SH2D4A: variants seen among roughly 807,000 people sequenced by gnomAD.
SH2D4A encodes the protein SH2 domain containing 4A.
In SH2D4A, 70 loss-of-function variants were observed where a neutral mutation model predicts 64.7. The ratio of observed to expected loss-of-function variants is 1.08; its 90% confidence interval spans 0.89 to 1.32. The LOEUF (loss-of-function observed/expected upper bound fraction) is 1.32, where lower values mean the gene tolerates loss of function less well. Among genes scored for constraint, SH2D4A ranks in the 40% most tolerant of loss-of-function variants. SH2D4A has a pLI of 0.00. For missense variants in SH2D4A, 706 were observed against 540.1 expected, an observed-to-expected ratio of 1.31 and a Z score of -3.04; for synonymous variants, 268 against 200.7, an observed-to-expected ratio of 1.34 and a Z score of -2.83.
At chr8:19,323,186 T>G (rs894836270) in intron 2 of SH2D4A, among the ~76,000 whole-genome samples, 7 of 152,158 alleles carry the variant, frequency 4.6e-5, no homozygotes, top group African/African-American at 1.7e-4. Flanking sequence ...ACAAGCCACA[T>G]GTGGCTCTTG....
chr8:19,322,612 CTT>C (rs33946166), intron 2 of SH2D4A, among the ~76,000 whole-genome samples: 67,671 of 126,656 alleles, frequency 0.53, 18,044 homozygotes, highest in Middle Eastern at 0.6. Flanking sequence ...GTCTATTATT[CTT>C]TTTTTTTTTT....
chr8:19,315,349 A>T (rs2139767), intron 1 of SH2D4A, among the ~76,000 whole-genome samples: 120,078 of 152,140 alleles, frequency 0.79, 47,519 homozygotes, highest in Middle Eastern at 0.84. Context: ...TTGCCCAAGC[A>T]GGTCTTGAAC....
intron 4 of SH2D4A, among the ~76,000 whole-genome samples, chr8:19,352,675 A>G (rs2052726720): frequency 6.6e-6 from 1 of 152,058 alleles, no homozygotes; most frequent in Non-Finnish European, 1.5e-5. Context: ...AGACGTGGAG[A>G]TGACATGCAT....
At chr8:19,347,395 C>T (rs1335466641) in intron 4 of SH2D4A, among the ~76,000 whole-genome samples, 2 of 152,144 alleles carry the variant, frequency 1.3e-5, no homozygotes, top group South Asian at 2.1e-4. Flanking sequence ...CTGCGAGTCC[C>T]CTGCAGCTGA....
In SH2D4A at chr8:19,395,648, TGCAGCCGGAAGGGAAGGGACACCAA is replaced by T. The variant is rs2053576694; in HGVS notation, c.*1008_*1032del. ...GGGGACAAGAGGCAAGTTGGAGTGA[TGCAGCCGGAAGGGAAGGGACACCAA>T]GGATCTCCGGCCACCAGCAGAAGCC... On this transcript the variant is annotated 3_prime_UTR_variant, in exon 10 of 10. Transcript: ENST00000265807. 1 of 152,180 alleles carries T rather than the reference TGCAGCCGGAAGGGAAGGGACACCAA, an allele frequency of 6.6e-6. No homozygotes were observed. Among genetic ancestry groups the T allele is most frequent in the Non-Finnish European group, 1.5e-5 (1 of 68,122 alleles). The allele number at this position is 152,180 out of a possible 1,614,324, so 9.4% of individuals were successfully genotyped here. A position where few individuals can be genotyped will look rare whatever the true frequency, so the allele number is the denominator to read the frequency against.
intron 1 of SH2D4A, among the ~76,000 whole-genome samples, chr8:19,317,052 A>G (rs970515918): frequency 1.3e-5 from 2 of 152,228 alleles, no homozygotes; most frequent in African/African-American, 2.4e-5. Context: ...TGCCTTGAAT[A>G]GGATTCGCTG....
intron 4 of SH2D4A, among the ~76,000 whole-genome samples, chr8:19,342,221 T>C (rs75748661): frequency 0.011 from 1,670 of 152,338 alleles, 40 homozygotes; most frequent in African/African-American, 0.038. Flanking sequence ...TCAGTAGTGT[T>C]TTTTCAACTC....
At chr8:19,343,548 CTTTGAAAA>C (rs2052562301) in intron 4 of SH2D4A, among the ~76,000 whole-genome samples, 1 of 152,076 alleles carries the variant, frequency 6.6e-6, no homozygotes, top group Non-Finnish European at 1.5e-5. Flanking sequence ...TTTGGAAATT[CTTTGAAAA>C]CTGGAAATCC....
intron 8 of SH2D4A, among the ~76,000 whole-genome samples, chr8:19,386,520 G>C (rs1318363518): frequency 6.6e-6 from 1 of 152,158 alleles, no homozygotes; most frequent in Non-Finnish European, 1.5e-5. Flanking sequence ...GAGGATGGCA[G>C]TGGCTGTGCC....
At chr8:19,323,070 T>C (rs2052218799) in intron 2 of SH2D4A, among the ~76,000 whole-genome samples, 1 of 152,166 alleles carries the variant, frequency 6.6e-6, no homozygotes, top group Non-Finnish European at 1.5e-5. Flanking sequence ...AGATCATTTC[T>C]GATTTCTGTA....
At chr8:19,325,468 T>A (rs762360328) in intron 2 of SH2D4A, among the ~76,000 whole-genome samples, 1 of 152,222 alleles carries the variant, frequency 6.6e-6, no homozygotes, top group Non-Finnish European at 1.5e-5. Context: ...AAGTCTGTCC[T>A]GAACTACTGG....
intron 4 of SH2D4A, among the ~76,000 whole-genome samples, chr8:19,342,052 A>G (rs925480472): frequency 3.9e-5 from 6 of 152,226 alleles, no homozygotes; most frequent in Middle Eastern, 6.8e-3. Context: ...TTCTTCTAGG[A>G]AGTAGTGCTT....
chr8:19,353,626 C>T (rs982579602), intron 4 of SH2D4A, among the ~76,000 whole-genome samples: 3 of 149,266 alleles, frequency 2.0e-5, no homozygotes, highest in Non-Finnish European at 3.0e-5. Context: ...CTCAGACTCC[C>T]AAAGTGCTGG....
chr8:19,389,607 T>C (rs1438336122), intron 8 of SH2D4A, among the ~76,000 whole-genome samples: 1 of 152,144 alleles, frequency 6.6e-6, no homozygotes, highest in African/African-American at 2.4e-5. Context: ...ACATCTACTT[T>C]CTTGTGGGCT....
intron 8 of SH2D4A, among the ~76,000 whole-genome samples, chr8:19,392,405 T>G (rs2053507146): frequency 6.6e-6 from 1 of 152,126 alleles, no homozygotes; most frequent in African/African-American, 2.4e-5. Flanking sequence ...GCTGGATAAT[T>G]CTCTGCAGTG....
intron 4 of SH2D4A, among the ~76,000 whole-genome samples, chr8:19,343,896 A>G (rs562577037): frequency 1.2e-4 from 18 of 152,240 alleles, no homozygotes; most frequent in Admixed American, 4.6e-4. Flanking sequence ...GAAGGCAGGG[A>G]TGGAGTGGGT....
At chr8:19,390,138 T>C (rs554670295) in intron 8 of SH2D4A, among the ~76,000 whole-genome samples, 1 of 152,216 alleles carries the variant, frequency 6.6e-6, no homozygotes, top group South Asian at 2.1e-4. Flanking sequence ...CCCAGCACTT[T>C]GGGAGGCCGA....
chr8:19,337,143 T>C (rs1563190389), intron 4 of SH2D4A, among the ~76,000 whole-genome samples: 1 of 152,058 alleles, frequency 6.6e-6, no homozygotes, highest in Non-Finnish European at 1.5e-5. Flanking sequence ...TGACAGGTTT[T>C]TATATTCCTG....
At chr8:19,378,882 A>C (rs1383367646) in intron 8 of SH2D4A, among the ~76,000 whole-genome samples, 1 of 150,076 alleles carries the variant, frequency 6.7e-6, no homozygotes, top group Non-Finnish European at 1.5e-5. Flanking sequence ...CCATCTCTAC[A>C]AAAAAAACAT....
Sources: allele counts gnomAD v4.1 joint callset (sites outside exome capture counted in the v4.1 genomes callset), GRCh38; gene constraint gnomAD v4.1.1; transcripts MANE v1.5; gene names NCBI Gene and HGNC (gene_info 2026-07-23, HGNC 2026-07-21).